Variants in CSMD1 observed in about 807,000 individuals in gnomAD.
CSMD1 encodes the protein CUB and sushi domain-containing protein 1.
Under a neutral mutation model 417.5 loss-of-function variants are expected in CSMD1, and 213 were observed. The observed-to-expected ratio is 0.51, with a 90% CI of 0.46 to 0.57. CSMD1 has a LOEUF of 0.57. CSMD1 is among the 20% of genes least tolerant of loss of function. The pLI is 0.00. For missense variants in CSMD1, 6,923 were observed against 4,529.7 expected (o/e 1.53, Z -15.17); for synonymous variants, 2,862 against 1,736.8 (o/e 1.65, Z -16.11).
chr8:4,845,758 G>A (rs1042554818), intron 1 of CSMD1, among the ~76,000 whole-genome samples: 3 of 152,160 alleles, frequency 2.0e-5, no homozygotes, highest in African/African-American at 7.2e-5. Flanking sequence ...TCAGGGAGCT[G>A]CTCAAGAATC....
chr8:4,003,251 G>A (rs1815840141), intron 4 of CSMD1, among the ~76,000 whole-genome samples: 1 of 151,982 alleles, frequency 6.6e-6, no homozygotes, highest in Admixed American at 6.6e-5. Context: ...AAAGTAGCTG[G>A]GTGTGGTGAC....
intron 5 of CSMD1, among the ~76,000 whole-genome samples, chr8:3,987,243 C>T (rs1585085045): frequency 6.6e-6 from 1 of 152,314 alleles, no homozygotes; most frequent in East Asian, 1.9e-4. Flanking sequence ...GAACATGCTT[C>T]CCATGCTCAA....
intron 37 of CSMD1, among the ~76,000 whole-genome samples, chr8:3,179,204 C>T (rs555162037): frequency 1.4e-4 from 22 of 152,084 alleles, no homozygotes; most frequent in Non-Finnish European, 2.9e-4. Context: ...CTTGGCCTCC[C>T]AAAGTGCTGG....
intron 3 of CSMD1, among the ~76,000 whole-genome samples, chr8:4,408,909 G>C (rs113428751): frequency 1.7e-3 from 254 of 152,204 alleles, no homozygotes; most frequent in African/African-American, 5.6e-3. Context: ...ATCAACTTTA[G>C]GTAGCAAGAA....
chr8:3,323,649 A>C (rs951245137), intron 23 of CSMD1, among the ~76,000 whole-genome samples: 1 of 152,244 alleles, frequency 6.6e-6, no homozygotes, highest in Non-Finnish European at 1.5e-5. Context: ...GTGTTTACAG[A>C]AGAAACACAT....
chr8:3,340,403 C>G (rs1054120376), intron 23 of CSMD1, among the ~76,000 whole-genome samples: 3 of 152,022 alleles, frequency 2.0e-5, no homozygotes, highest in Admixed American at 6.5e-5. Context: ...TTTTATTAAG[C>G]TATATATTTT....
At chr8:3,758,929 C>T (rs1304257570) in intron 5 of CSMD1, among the ~76,000 whole-genome samples, 5 of 152,148 alleles carry the variant, frequency 3.3e-5, no homozygotes, top group African/African-American at 1.2e-4. Flanking sequence ...GGTAGAAGAG[C>T]CTGTGGACAA....
At chr8:3,950,565 T>C (rs964442323) in intron 5 of CSMD1, among the ~76,000 whole-genome samples, 2 of 152,222 alleles carry the variant, frequency 1.3e-5, no homozygotes, top group African/African-American at 2.4e-5. Flanking sequence ...GCGTTCCGCT[T>C]GCCCATAGCA....
At chr8:4,329,958 C>T (rs1249730170) in intron 3 of CSMD1, among the ~76,000 whole-genome samples, 4 of 152,096 alleles carry the variant, frequency 2.6e-5, no homozygotes, top group African/African-American at 9.7e-5. Flanking sequence ...TGACTGGAAG[C>T]TCCCTGAGGT....
intron 3 of CSMD1, among the ~76,000 whole-genome samples, chr8:4,162,163 C>A (rs749622737): frequency 6.6e-6 from 1 of 152,108 alleles, no homozygotes; most frequent in Non-Finnish European, 1.5e-5. Flanking sequence ...AATTAGTTTC[C>A]CTGCCTGCTT....
At chr8:3,687,105 G>A (rs1382576781) in intron 7 of CSMD1, among the ~76,000 whole-genome samples, 1 of 152,194 alleles carries the variant, frequency 6.6e-6, no homozygotes, top group Non-Finnish European at 1.5e-5. Context: ...ATAAAATGCA[G>A]GATCCTATAC....
chr8:3,987,698 C>A lies in CSMD1; in HGVS notation c.818+10205G>T, dbSNP rs377672618. On this transcript the variant is annotated intron_variant, in intron 5 of 69. Coordinates refer to ENST00000635120, the MANE Select transcript of CSMD1 (RefSeq NM_033225.6). ...GAGAAAATGGATTGAAAACAGGAAA[C>A]TGCAAGGTGGAACGAGGTCACTAGC... Among the ~76,000 whole-genome samples the A allele has an allele frequency of 2.0e-4, 30 of 152,262 alleles. 1 individual carries two copies. In the South Asian group the frequency reaches 5.6e-3, roughly 28 times the overall value.
chr8:4,397,523 C>CTTTTTTTTTTTTTT (rs57745028), intron 3 of CSMD1, among the ~76,000 whole-genome samples: 2 of 59,934 alleles, frequency 3.3e-5, no homozygotes, highest in African/African-American at 1.2e-4. Context: ...GCCTGAGACT[C>CTTTTTTTTTTTTTT]TTTTTTTTTT....
intron 14 of CSMD1, among the ~76,000 whole-genome samples, chr8:3,406,855 G>T (rs578179636): frequency 1.2e-3 from 182 of 152,312 alleles, no homozygotes; most frequent in African/African-American, 4.2e-3. Flanking sequence ...GGAGCCTAAA[G>T]CAAAGAGAAT....
intron 3 of CSMD1, among the ~76,000 whole-genome samples, chr8:4,404,565 T>A (rs1015818155): frequency 2.8e-4 from 42 of 152,296 alleles, no homozygotes; most frequent in African/African-American, 9.9e-4. Context: ...TGAACATTTT[T>A]AAAACTCACT....
chr8:3,614,492 T>C (rs984015148), intron 8 of CSMD1, among the ~76,000 whole-genome samples: 27 of 152,212 alleles, frequency 1.8e-4, no homozygotes, highest in African/African-American at 5.1e-4. Context: ...ACTTCCATGA[T>C]TGCCCATGTG....
intron 54 of CSMD1, among the ~76,000 whole-genome samples, chr8:2,996,944 G>C (rs1446173520): frequency 6.6e-6 from 1 of 152,214 alleles, no homozygotes; most frequent in African/African-American, 2.4e-5. Flanking sequence ...TGAAAGCTGT[G>C]ATTGAAGCAA....
intron 1 of CSMD1, among the ~76,000 whole-genome samples, chr8:4,690,136 T>A (rs1269289986): frequency 6.6e-6 from 1 of 152,224 alleles, no homozygotes; most frequent in Non-Finnish European, 1.5e-5. Context: ...TGTGAAAGAC[T>A]TATTACAATG....
chr8:3,985,675 C>A (rs1007098133), intron 5 of CSMD1, among the ~76,000 whole-genome samples: 1 of 152,050 alleles, frequency 6.6e-6, no homozygotes. Context: ...TGCTAGAATT[C>A]TCATTACAAC....
Sources: allele counts gnomAD v4.1 joint callset (sites outside exome capture counted in the v4.1 genomes callset), GRCh38; gene constraint gnomAD v4.1.1; transcripts MANE v1.5; gene names NCBI Gene and HGNC (gene_info 2026-07-23, HGNC 2026-07-21).